GBF1: variants seen among roughly 807,000 people sequenced by gnomAD.
The protein encoded by GBF1 is Golgi-specific brefeldin A-resistance guanine nucleotide exchange factor 1.
Under a neutral mutation model 210.5 loss-of-function variants are expected in GBF1, and 114 were observed. The ratio of observed to expected loss-of-function variants is 0.54; its 90% CI spans 0.47 to 0.63. GBF1 has a LOEUF of 0.63. Ranked by LOEUF, GBF1 falls within the 30% of genes least tolerant of loss-of-function variation. The probability of loss-of-function intolerance (pLI) is 0.00; values close to 1 mark genes in which losing one functional copy is unlikely to be tolerated. For synonymous variants in GBF1, 850 were observed against 889.2 expected, an observed-to-expected ratio of 0.96 and a Z score of 0.78; for missense variants, 1,851 against 2,357.7, an observed-to-expected ratio of 0.79 and a Z score of 4.45.
chr10:102,300,496 G>A (rs917474535), intron 3 of GBF1, among the ~76,000 whole-genome samples: 9 of 152,186 alleles, frequency 5.9e-5, no homozygotes, highest in Admixed American at 1.3e-4. Flanking sequence ...GTGGGGTGGT[G>A]CTTTTGTAGA....
chr10:102,269,717 A>G (rs2074210655), intron 3 of GBF1, among the ~76,000 whole-genome samples: 1 of 152,160 alleles, frequency 6.6e-6, no homozygotes. Context: ...CTCATTCCAA[A>G]TGAGTTTTTG....
chr10:102,326,843 G>GT (rs932258058), intron 3 of GBF1, among the ~76,000 whole-genome samples: 1 of 152,104 alleles, frequency 6.6e-6, no homozygotes, highest in East Asian at 1.9e-4. Context: ...TATATCAGTA[G>GT]TTTTTTTCTG....
At chr10:102,275,516 C>G (rs1174543909) in intron 3 of GBF1, among the ~76,000 whole-genome samples, 1 of 152,096 alleles carries the variant, frequency 6.6e-6, no homozygotes, top group Non-Finnish European at 1.5e-5. Context: ...GGCAGTGAAA[C>G]AGTTAAACAG....
chr10:102,243,307 G>A (rs570276897), upstream of GBF1, among the ~76,000 whole-genome samples: 1 of 152,280 alleles, frequency 6.6e-6, no homozygotes, highest in East Asian at 1.9e-4. Context: ...ATCAGCTTAT[G>A]TGTTGTCTGC....
chr10:102,296,767 A>G (rs2076943885), intron 3 of GBF1, among the ~76,000 whole-genome samples: 1 of 151,938 alleles, frequency 6.6e-6, no homozygotes, highest in Admixed American at 6.6e-5. Flanking sequence ...ATTGTAGGCC[A>G]GGCACAGTGG....
intron 3 of GBF1, among the ~76,000 whole-genome samples, chr10:102,302,620 A>G (rs2077483241): frequency 6.6e-6 from 1 of 152,366 alleles, no homozygotes; most frequent in South Asian, 2.1e-4. Flanking sequence ...CTACTAAGCA[A>G]ATAACCATTC....
chr10:102,271,788 G>T (rs2074451867), intron 3 of GBF1, among the ~76,000 whole-genome samples: 1 of 152,086 alleles, frequency 6.6e-6, no homozygotes, highest in Middle Eastern at 3.4e-3. Context: ...GTCCTGCTCT[G>T]TCCCCCAGGC....
chr10:102,281,563 ATTATAT>A (rs1462383180), intron 3 of GBF1, among the ~76,000 whole-genome samples: 1 of 149,186 alleles, frequency 6.7e-6, no homozygotes, highest in East Asian at 1.9e-4. Flanking sequence ...TTATCTATAA[ATTATAT>A]TTATATAAAT....
rs1288068996 is a variant in GBF1, at chr10:102,363,522, CAG to C, written c.2017+133_2017+134del. 1 of 962,996 alleles carries C rather than the reference CAG, an allele frequency of 1.0e-6. No homozygotes were observed. The highest frequency in any genetic ancestry group is 1.6e-6 in the Non-Finnish European group (1 of 626,698). 59.7% of individuals were successfully genotyped at this position (962,996 alleles called of 1,614,324 possible). A position where few individuals can be genotyped will look rare whatever the true frequency, so the allele number is the denominator to read the frequency against. On this transcript the variant is annotated intron_variant, in intron 16 of 39. Transcript: ENST00000369983. The surrounding 1 kb of genome is among the most constrained non-coding windows in gnomAD (Gnocchi z 4.2). ...TGGTAGCCCGCCTCGCCTTCAGACT[CAG>C]AGAGAGGGAAGCAAACATATGGACC...
the GBF1 span, among the ~76,000 whole-genome samples, chr10:102,234,578 T>C: frequency 6.6e-6 from 1 of 152,042 alleles, no homozygotes; most frequent in Non-Finnish European, 1.5e-5. Flanking sequence ...GCTGGGAAGA[T>C]GAGGGAGGAA....
chr10:102,380,236 TG>T lies in GBF1; in HGVS notation c.4879-11del. On this transcript the variant is annotated splice_polypyrimidine_tract_variant and intron_variant, in intron 36 of 39. Transcript: ENST00000369983. ...TACAGTCCCCTCAGCTGAAGGGGGC[TG>T]GTGGGCCATAGGTCTTCCTGCAGCA... 6.3e-7 allele frequency: 1 copy of T among 1,579,888 alleles called. No homozygotes were observed. Among genetic ancestry groups the T allele is most frequent in the Non-Finnish European group, 8.7e-7 (1 of 1,148,874 alleles).
At chr10:102,239,586 A>G in the GBF1 span, among the ~76,000 whole-genome samples, 1 of 152,238 alleles carries the variant, frequency 6.6e-6, no homozygotes, top group Non-Finnish European at 1.5e-5. Flanking sequence ...GAACTGAGGA[A>G]TGGACATGGG....
At chr10:102,305,992 A>G (rs539688384) in intron 3 of GBF1, among the ~76,000 whole-genome samples, 3 of 152,332 alleles carry the variant, frequency 2.0e-5, no homozygotes, top group African/African-American at 7.2e-5. Flanking sequence ...AATGATGAAT[A>G]GGTAGGTTGG....
At position 102,363,378 on chromosome 10, in the gene GBF1, G is replaced by A. The variant is rs1486782547; in HGVS notation, c.1999G>A (p.Glu667Lys). The change falls in exon 16 of 40, where the codon GAA (glutamate) becomes AAA (lysine). Residue 667 changes from glutamate (E) to lysine (K), a missense_variant. By Grantham distance (56) the Glu-to-Lys change is moderately conservative. This residue lies in a region of GBF1 where 804 missense variants were observed against 958.6 expected (regional missense o/e 0.84). Transcript: ENST00000369983. The surrounding 1 kb of genome is among the most constrained non-coding windows in gnomAD (Gnocchi z 4.2). Reference sequence around the variant, plus strand: ...GAAATCAGGATGCAGTGATCTGGAGGAAGCTGTTGACTCTGGGGGTGGGTA... The same window carrying A: ...GAAATCAGGATGCAGTGATCTGGAGAAAGCTGTTGACTCTGGGGGTGGGTA... ...HGKSGCSDLE[E>K]AVDSGADKKF... 2.5e-6 allele frequency: 4 copies of A among 1,613,882 alleles called. No homozygotes were observed. The highest frequency in any genetic ancestry group is 1.7e-5 in the Admixed American group (1 of 60,008).
chr10:102,373,851 G>GT (rs1192427394), intron 29 of GBF1, among the ~76,000 whole-genome samples: 1 of 152,168 alleles, frequency 6.6e-6, no homozygotes, highest in Non-Finnish European at 1.5e-5. Context: ...AGCCTTAGTT[G>GT]TAATAGCCAA....
chr10:102,303,253 G>T (rs2077550166), intron 3 of GBF1, among the ~76,000 whole-genome samples: 1 of 152,184 alleles, frequency 6.6e-6, no homozygotes, highest in Non-Finnish European at 1.5e-5. Context: ...CTCCCAAAGT[G>T]CTGGGATTAC....
At chr10:102,244,304 G>T (rs2070647991), upstream of GBF1, among the ~76,000 whole-genome samples, 1 of 152,168 alleles carries the variant, frequency 6.6e-6, no homozygotes, top group East Asian at 1.9e-4. Flanking sequence ...AAAGAATTAG[G>T]TATTTTTTTT....
Position 102,363,528 on chromosome 10 carries a change from G to A in GBF1, c.2017+132G>A. 1.1e-6 allele frequency: 1 copy of A among 934,584 alleles called. No individual in the cohort carries two copies. The highest frequency in any genetic ancestry group is 2.4e-5 in the East Asian group (1 of 41,302). 57.9% of individuals were successfully genotyped at this position (934,584 alleles called of 1,614,324 possible). A position where few individuals can be genotyped will look rare whatever the true frequency, so the allele number is the denominator to read the frequency against. On this transcript the variant is annotated intron_variant, in intron 16 of 39. Transcript: ENST00000369983. The surrounding 1 kb of genome is among the most constrained non-coding windows in gnomAD (Gnocchi z 4.2). ...CCCGCCTCGCCTTCAGACTCAGAGA[G>A]AGGGAAGCAAACATATGGACCCTCA... is the stretch of plus-strand genomic sequence containing the variant.
intron 3 of GBF1, among the ~76,000 whole-genome samples, chr10:102,315,550 T>G (rs2078853352): frequency 6.6e-6 from 1 of 152,164 alleles, no homozygotes; most frequent in Admixed American, 6.5e-5. Flanking sequence ...GGGATGAAAG[T>G]GTTCGACCTC....
Sources: allele counts gnomAD v4.1 joint callset (sites outside exome capture counted in the v4.1 genomes callset), GRCh38; gene constraint gnomAD v4.1.1; regional missense constraint gnomAD v4.1.1; non-coding constraint Gnocchi (gnomAD v3.1); transcripts MANE v1.5; gene names NCBI Gene and HGNC (gene_info 2026-07-23, HGNC 2026-07-21).